The following KCNQ1 variants were observed in gnomAD, a reference collection of about 807,000 sequenced individuals.
KCNQ1 encodes potassium voltage-gated channel subfamily KQT member 1.
A neutral mutation model predicts 72.4 loss-of-function variants in KCNQ1; 49 were observed. The ratio of observed to expected loss-of-function variants is 0.68; its 90% CI spans 0.54 to 0.86. The LOEUF is 0.86. Ranked by LOEUF, KCNQ1 falls within the 40% of genes least tolerant of loss-of-function variation. The probability of loss-of-function intolerance (pLI) is 0.00; values close to 1 mark genes in which losing one functional copy is unlikely to be tolerated. For missense variants in KCNQ1, 790 were observed against 945.1 expected, an observed-to-expected ratio of 0.84 and a Z score of 2.15; for synonymous variants, 450 against 412.6, an observed-to-expected ratio of 1.09 and a Z score of -1.10.
chr11:2,569,833 C>A (rs1848301626), intron 2 of KCNQ1, among the ~76,000 whole-genome samples: 1 of 152,230 alleles, frequency 6.6e-6, no homozygotes, highest in South Asian at 2.1e-4. Context: ...GCTGAGGAAA[C>A]TGAGGCCCAG....
intron 11 of KCNQ1, among the ~76,000 whole-genome samples, chr11:2,758,114 G>A (rs1257419960): frequency 6.6e-6 from 1 of 152,052 alleles, no homozygotes; most frequent in Non-Finnish European, 1.5e-5. Context: ...CCAGTGAAGG[G>A]GATAAAAATG....
intron 1 of KCNQ1, among the ~76,000 whole-genome samples, chr11:2,454,314 G>A (rs191779362): frequency 2.4e-3 from 371 of 152,182 alleles, no homozygotes; most frequent in African/African-American, 8.6e-3. Context: ...AATAGCTTGC[G>A]TAATTTTTAA....
In KCNQ1 at chr11:2,537,899, A is replaced by G. The variant is rs1847760715; in HGVS notation, c.477+9881A>G. On this transcript the variant is annotated intron_variant, in intron 2 of 15. Coordinates refer to ENST00000155840, the MANE Select transcript of KCNQ1 (RefSeq NM_000218.3). This position sits in a 1 kb window ranked among gnomAD's most constrained non-coding sequence, Gnocchi z 5.2. ...CCCCGCTAATTTTTGTATTTTTTGT[A>G]GAGATAGGGTTTTGCCATGTTACCT... Among the ~76,000 whole-genome samples the G allele has an allele frequency of 6.6e-6, 1 of 151,914 alleles. No homozygotes were observed. Among genetic ancestry groups the G allele is most frequent in the South Asian group, 2.1e-4 (1 of 4,820 alleles).
rs1329783816 is a variant in KCNQ1, at chr11:2,699,719, TCCCCGGGGAGAACTGCGCCGAGGAGC to T, written c.1514+37643_1514+37668del. On this transcript the variant is annotated intron_variant, in intron 11 of 15. Coordinates refer to ENST00000155840, the MANE Select transcript of KCNQ1 (RefSeq NM_000218.3). ...CCCCGAGGAGAACGGCGCCGAGGAG[TCCCCGGGGAGAACTGCGCCGAGGAGC>T]CCCCAGAAGAGCGCCGCGCTGAGGA... The T allele has an allele frequency of 7.2e-4, 142 of 196,590 alleles. No individual in the cohort carries two copies. The highest frequency in any genetic ancestry group is 1.2e-3 in the Middle Eastern group (1 of 840). The allele number at this position is 196,590 out of a possible 1,614,324, so 12.2% of individuals were successfully genotyped here.
chr11:2,644,661 G>C (rs1409747021), intron 10 of KCNQ1: 3 of 398,448 alleles, frequency 7.5e-6, no homozygotes, highest in Non-Finnish European at 1.3e-5. Context: ...CACATCTGGT[G>C]TAACAGTAGT....
In KCNQ1 at chr11:2,782,364, T is replaced by G. The variant is rs924717830; in HGVS notation, c.1794+4327T>G. On this transcript the variant is annotated intron_variant, in intron 15 of 15. Transcript: ENST00000155840. The surrounding 1 kb of genome is among the most constrained non-coding windows in gnomAD (Gnocchi z 6.1). Reference sequence around the variant, plus strand: ...ACTAATATTTAATATATCAGAATTTTTGTGCCAGTATTTATGTGTGAGATA... The same window carrying G: ...ACTAATATTTAATATATCAGAATTTGTGTGCCAGTATTTATGTGTGAGATA... 6.6e-6 allele frequency among the ~76,000 whole-genome samples: 1 copy of G among 152,244 alleles called. No individual in the cohort carries two copies. Among genetic ancestry groups the G allele is most frequent in the African/African-American group, 2.4e-5 (1 of 41,466 alleles).
At position 2,690,487 on chromosome 11, in the gene KCNQ1, C is replaced by A. The variant is rs1463939251; in HGVS notation, c.1514+28406C>A. 2.5e-6 allele frequency: 1 copy of A among 398,584 alleles called. No homozygotes were observed. The highest frequency in any genetic ancestry group is 4.4e-6 in the Non-Finnish European group (1 of 226,074). 24.7% of individuals were successfully genotyped at this position (398,584 alleles called of 1,614,324 possible). ...CTGGGTCCTGGGAACAGCCACTGGG[C>A]CCAGTCGGGGGGGTCTCAGCACCTA... is the stretch of plus-strand genomic sequence containing the variant. On this transcript the variant is annotated intron_variant, in intron 11 of 15. Coordinates refer to ENST00000155840, the MANE Select transcript of KCNQ1 (RefSeq NM_000218.3). The surrounding 1 kb of genome is among the most constrained non-coding windows in gnomAD (Gnocchi z 5.1).
At position 2,849,025 on chromosome 11, in the gene KCNQ1, T is replaced by C. The variant is rs1042629125; in HGVS notation, c.*1022T>C. The stretch of plus-strand genomic sequence containing the variant: ...TGGGCACTGCTCTCACCTTGGTTCC[T>C]GGGGCATCCATGGGGTCTCTCACAG... On this transcript the variant is annotated 3_prime_UTR_variant, in exon 16 of 16. Coordinates refer to ENST00000155840, the MANE Select transcript of KCNQ1 (RefSeq NM_000218.3). The C allele has an allele frequency of 2.2e-6, 1 of 454,170 alleles. No homozygotes were observed. The highest frequency in any genetic ancestry group is 4.4e-6 in the Non-Finnish European group (1 of 226,792). The allele number at this position is 454,170 out of a possible 1,614,324, so 28.1% of individuals were successfully genotyped here.
chr11:2,825,438 G>C (rs1388292986), intron 15 of KCNQ1, among the ~76,000 whole-genome samples: 3 of 151,544 alleles, frequency 2.0e-5, no homozygotes, highest in Non-Finnish European at 2.9e-5. Context: ...AGCACCACGC[G>C]GGGGGGTAGG....
At position 2,785,326 on chromosome 11, in the gene KCNQ1, G is replaced by A. The variant is rs1245512569; in HGVS notation, c.1794+7289G>A. On this transcript the variant is annotated intron_variant, in intron 15 of 15. Transcript: ENST00000155840. The surrounding 1 kb of genome is among the most constrained non-coding windows in gnomAD (Gnocchi z 4.4). ...GGTGTTAAACCAATCTCACATTTCTGGAATATATCCTACCTGGGCATGATA... is the reference window on the plus strand; with the variant it reads ...GGTGTTAAACCAATCTCACATTTCTAGAATATATCCTACCTGGGCATGATA... Among the ~76,000 whole-genome samples the A allele has an allele frequency of 6.6e-6, 1 of 151,630 alleles. No homozygotes were observed. Among genetic ancestry groups the A allele is most frequent in the African/African-American group, 2.4e-5 (1 of 41,312 alleles).
intron 1 of KCNQ1, among the ~76,000 whole-genome samples, chr11:2,454,448 C>T: frequency 6.6e-6 from 1 of 152,130 alleles, no homozygotes; most frequent in East Asian, 1.9e-4. Context: ...GGCTTAACCA[C>T]CCAGAAGGAC....
In KCNQ1 at chr11:2,724,073, G is replaced by A. The variant is rs1834254346; in HGVS notation, c.1515-44771G>A. 6.6e-6 allele frequency among the ~76,000 whole-genome samples: 1 copy of A among 152,158 alleles called. No individual in the cohort carries two copies. The highest frequency in any genetic ancestry group is 1.5e-5 in the Non-Finnish European group (1 of 68,024). ...ACCACCTCTGCACACAGCCCCTCCGGTGGTGCCTGGGGGCCCAGGCTTTTG... is the reference window on the plus strand; with the variant it reads ...ACCACCTCTGCACACAGCCCCTCCGATGGTGCCTGGGGGCCCAGGCTTTTG... On this transcript the variant is annotated intron_variant, in intron 11 of 15. Transcript: ENST00000155840. This position sits in a 1 kb window ranked among gnomAD's most constrained non-coding sequence, Gnocchi z 6.8.
Position 2,808,342 on chromosome 11 carries a change from A to G in KCNQ1, c.1794+30305A>G, listed in dbSNP as rs572365555. Among the ~76,000 whole-genome samples the G allele has an allele frequency of 6.6e-6, 1 of 152,356 alleles. No individual in the cohort carries two copies. Among genetic ancestry groups the G allele is most frequent in the East Asian group, 1.9e-4 (1 of 5,188 alleles). On this transcript the variant is annotated intron_variant, in intron 15 of 15. Transcript: ENST00000155840. The surrounding 1 kb of genome is among the most constrained non-coding windows in gnomAD (Gnocchi z 6.0). ...CTGGCATCACAGAGCTACCCCGGTC[A>G]AAAATATACCATGTAATTACAGACC...
intron 10 of KCNQ1, chr11:2,660,766 G>C: frequency 2.5e-6 from 1 of 398,612 alleles, no homozygotes; most frequent in Non-Finnish European, 4.4e-6. Context: ...GGGGGAGCCT[G>C]AATTGCTACA....
At position 2,588,746 on chromosome 11, in the gene KCNQ1, A is replaced by G. The variant is rs778979075; in HGVS notation, c.1285A>G (p.Asn429Asp). ...AAAAAAGTTCAAGCTGGACAAAGAC[A>G]ATGGGGTGACTCCTGGAGAGAAGAT... The part of the protein sequence containing the change: ...KKKKFKLDKD[N>D]GVTPGEKMLT... Residue 429 changes from asparagine (N) to aspartate (D), a missense_variant, in exon 10 of 16, where the codon AAT becomes GAT. By Grantham distance (23) the Asn-to-Asp change is conservative. Transcript: ENST00000155840. This position sits in a 1 kb window ranked among gnomAD's most constrained non-coding sequence, Gnocchi z 5.6. The G allele has an allele frequency of 3.1e-6, 5 of 1,613,612 alleles. No homozygotes were observed. The highest frequency in any genetic ancestry group is 4.2e-6 in the Non-Finnish European group (5 of 1,179,976).
At chr11:2,636,907 G>A (rs1414687584) in intron 10 of KCNQ1, 1 of 152,166 alleles carries the variant, frequency 6.6e-6, no homozygotes, top group Non-Finnish European at 1.5e-5. Flanking sequence ...TCCTGGTTTA[G>A]TCTTGGAAGG....
rs1849754523 is a variant in KCNQ1 at position 2,651,374 on chromosome 11, G to C, written c.1394-10587G>C. 2.5e-6 allele frequency: 1 copy of C among 398,754 alleles called. No homozygotes were observed. Among genetic ancestry groups the C allele is most frequent in the South Asian group, 1.3e-4 (1 of 7,852 alleles). 24.7% of individuals were successfully genotyped at this position (398,754 alleles called of 1,614,324 possible). A position where few individuals can be genotyped will look rare whatever the true frequency, so the allele number is the denominator to read the frequency against. The stretch of plus-strand genomic sequence containing the variant: ...TGGGGTATTTATCTTTCACTAGTGA[G>C]TGCTGCCCCGGTGGTGGCTCACTTT... On this transcript the variant is annotated intron_variant, in intron 10 of 15. Coordinates refer to ENST00000155840, the MANE Select transcript of KCNQ1 (RefSeq NM_000218.3). The surrounding 1 kb of genome is among the most constrained non-coding windows in gnomAD (Gnocchi z 6.1).
At chr11:2,721,630 G>A (rs541702568) in intron 11 of KCNQ1, among the ~76,000 whole-genome samples, 4 of 152,344 alleles carry the variant, frequency 2.6e-5, no homozygotes, top group South Asian at 2.1e-4. Flanking sequence ...GTTGGTGGGG[G>A]CAGCAGAGCC....
Position 2,651,136 on chromosome 11 carries a change from G to A in KCNQ1, c.1394-10825G>A. On this transcript the variant is annotated intron_variant, in intron 10 of 15. Coordinates refer to ENST00000155840, the MANE Select transcript of KCNQ1 (RefSeq NM_000218.3). The surrounding 1 kb of genome is among the most constrained non-coding windows in gnomAD (Gnocchi z 6.1). ...CTCCATTCTTCACATAACAGCTCAAGGGAGTTCTTTAAATGTACAGTGGAT... is the reference window on the plus strand; with the variant it reads ...CTCCATTCTTCACATAACAGCTCAAAGGAGTTCTTTAAATGTACAGTGGAT... The A allele has an allele frequency of 2.5e-6, 1 of 398,646 alleles. No individual in the cohort carries two copies. The highest frequency in any genetic ancestry group is 4.4e-6 in the Non-Finnish European group (1 of 226,102). The allele number at this position is 398,646 out of a possible 1,614,324, so 24.7% of individuals were successfully genotyped here.
Sources: allele counts gnomAD v4.1 joint callset (sites outside exome capture counted in the v4.1 genomes callset), GRCh38; gene constraint gnomAD v4.1.1; non-coding constraint Gnocchi (gnomAD v3.1); transcripts MANE v1.5; gene names NCBI Gene and HGNC (gene_info 2026-07-23, HGNC 2026-07-21).